NDUFB5: variants seen among roughly 807,000 people sequenced by gnomAD.
The protein encoded by NDUFB5 is NADH dehydrogenase [ubiquinone] 1 beta subcomplex subunit 5, mitochondrial.
In NDUFB5, 19 loss-of-function variants were observed where a neutral mutation model predicts 19.4. The observed-to-expected ratio is 0.98, with a 90% CI of 0.68 to 1.43. NDUFB5 has a LOEUF of 1.43. Among genes scored for constraint, NDUFB5 ranks in the 40% most tolerant of loss-of-function variants. The pLI is 0.00. For synonymous variants in NDUFB5, 80 were observed against 82.6 expected (o/e 0.97, Z 0.17); for missense variants, 233 against 236.5 (o/e 0.99, Z 0.10).
intron 5 of NDUFB5, among the ~76,000 whole-genome samples, chr3:179,619,885 A>G (rs7616386): frequency 0.09 from 13,730 of 152,002 alleles, 666 homozygotes; most frequent in South Asian, 0.17. Flanking sequence ...TTTAATGATC[A>G]CCATTCTAAC....
At position 179,625,561 on chromosome 3, in the gene NDUFB5, C is replaced by G. The variant is rs962968050; in HGVS notation, c.*1521C>G. 6.6e-6 allele frequency: 1 copy of G among 152,006 alleles called. No homozygotes were observed. The highest frequency in any genetic ancestry group is 2.4e-5 in the African/African-American group (1 of 41,364). The allele number at this position is 152,006 out of a possible 1,614,324, so 9.4% of individuals were successfully genotyped here. On this transcript the variant is annotated 3_prime_UTR_variant, in exon 6 of 6. Coordinates refer to ENST00000259037, the MANE Select transcript of NDUFB5 (RefSeq NM_002492.4). ...TTATATATTTCAAAATAAGATATAGCAAGTTAGAAGTATATATAAGTATAT... is the reference window on the plus strand; with the variant it reads ...TTATATATTTCAAAATAAGATATAGGAAGTTAGAAGTATATATAAGTATAT...
chr3:179,622,514 C>G (rs1363622553), intron 5 of NDUFB5, among the ~76,000 whole-genome samples: 2 of 152,096 alleles, frequency 1.3e-5, no homozygotes, highest in African/African-American at 4.8e-5. Context: ...AAAAACATAA[C>G]AGTATATGTA....
At chr3:179,618,606 T>A (rs1719445202) in intron 5 of NDUFB5, 85 bp downstream of exon 5, 1 of 871,378 alleles carries the variant, frequency 1.1e-6, no homozygotes, top group African/African-American at 1.7e-5. Context: ...CTATGAATAT[T>A]TCAGCACTAT....
At chr3:179,621,541 G>A (rs1057475154) in intron 5 of NDUFB5, among the ~76,000 whole-genome samples, 1 of 116,260 alleles carries the variant, frequency 8.6e-6, no homozygotes, top group Non-Finnish European at 2.0e-5. Context: ...CTCCCAGGCT[G>A]GAGTACAGTG....
intron 5 of NDUFB5, among the ~76,000 whole-genome samples, chr3:179,618,739 T>C (rs1719449276): frequency 6.6e-6 from 1 of 152,162 alleles, no homozygotes; most frequent in African/African-American, 2.4e-5. Flanking sequence ...TAATCCCAGC[T>C]ACTCAAGAGG....
chr3:179,624,671 G>A lies in NDUFB5; in HGVS notation c.*631G>A, dbSNP rs187297711. The A allele has an allele frequency of 6.8e-4, 103 of 151,044 alleles. No individual in the cohort carries two copies. The highest frequency in any genetic ancestry group is 7.3e-4 in the Admixed American group (11 of 15,172). The allele number at this position is 151,044 out of a possible 1,614,324, so 9.4% of individuals were successfully genotyped here. A position where few individuals can be genotyped will look rare whatever the true frequency, so the allele number is the denominator to read the frequency against. ...TTTTTTGGGGAAGTAGTTGCACTAG[G>A]TAATGTGATTCCTGCAGAGATTATA... On this transcript the variant is annotated 3_prime_UTR_variant, in exon 6 of 6. Coordinates refer to ENST00000259037, the MANE Select transcript of NDUFB5 (RefSeq NM_002492.4).
At chr3:179,619,651 G>A (rs1210609344) in intron 5 of NDUFB5, among the ~76,000 whole-genome samples, 1 of 152,166 alleles carries the variant, frequency 6.6e-6, no homozygotes, top group African/African-American at 2.4e-5. Context: ...TAGTGCCACA[G>A]TAAACATATG....
At chr3:179,615,133 A>G (rs1719343711) in intron 2 of NDUFB5, 74 bp downstream of exon 2, 3 of 736,426 alleles carry the variant, frequency 4.1e-6, no homozygotes, top group Non-Finnish European at 6.8e-6. Context: ...TTTAGAAAAC[A>G]TCTTTCATTT....
intron 1 of NDUFB5, among the ~76,000 whole-genome samples, chr3:179,608,369 T>C (rs916157621): frequency 2.6e-5 from 4 of 151,994 alleles, no homozygotes; most frequent in African/African-American, 9.7e-5. Context: ...TTTTTTGTAT[T>C]TTTAGTAGAG....
chr3:179,613,221 C>G (rs924129547), intron 1 of NDUFB5, among the ~76,000 whole-genome samples: 10 of 151,902 alleles, frequency 6.6e-5, no homozygotes, highest in Non-Finnish European at 4.4e-5. Flanking sequence ...TTTGAGAGAT[C>G]TCTTTGCCAG....
intron 5 of NDUFB5, 85 bp from the exon 6 acceptor site, chr3:179,623,835 C>T: frequency 6.6e-7 from 1 of 1,520,340 alleles, no homozygotes; most frequent in Non-Finnish European, 9.1e-7. Flanking sequence ...AAGCAGACTC[C>T]AGTGATTGTC....
At chr3:179,612,012 G>T (rs1178537566) in intron 1 of NDUFB5, among the ~76,000 whole-genome samples, 1 of 150,338 alleles carries the variant, frequency 6.7e-6, no homozygotes, top group Admixed American at 6.6e-5. Context: ...GAAGGGTCTA[G>T]CTATGTTGCT....
In NDUFB5 at chr3:179,607,432, A is replaced by C. The variant is rs117647433; in HGVS notation, c.124+2493A>C. On this transcript the variant is annotated intron_variant, in intron 1 of 5. Coordinates refer to ENST00000259037, the MANE Select transcript of NDUFB5 (RefSeq NM_002492.4). ...CTGTGATCATCACATCTTGGAAGCTAAAGTGGAAGACACCTAATTGCTCAT... is the reference window on the plus strand; with the variant it reads ...CTGTGATCATCACATCTTGGAAGCTCAAGTGGAAGACACCTAATTGCTCAT... 8.5e-5 allele frequency among the ~76,000 whole-genome samples: 13 copies of C among 152,362 alleles called. No individual in the cohort carries two copies. The East Asian group carries it at 2.3e-3, about 27-fold the overall frequency.
intron 3 of NDUFB5, among the ~76,000 whole-genome samples, chr3:179,616,723 A>G (rs16830638): frequency 0.015 from 2,268 of 152,308 alleles, 58 homozygotes; most frequent in African/African-American, 0.052. Flanking sequence ...ATCTTGTTAC[A>G]GTATAGAAAA....
chr3:179,605,884 C>G (rs1165733883), intron 1 of NDUFB5, among the ~76,000 whole-genome samples: 1 of 151,618 alleles, frequency 6.6e-6, no homozygotes, highest in Non-Finnish European at 1.5e-5. Context: ...CTCCACCCCC[C>G]GGGTTCAAGC....
chr3:179,605,303 T>C (rs958213541), intron 1 of NDUFB5, among the ~76,000 whole-genome samples: 13 of 152,144 alleles, frequency 8.5e-5, no homozygotes, highest in African/African-American at 3.1e-4. Flanking sequence ...AAAGTCATCT[T>C]GCCGAGAAGC....
intron 1 of NDUFB5, among the ~76,000 whole-genome samples, chr3:179,608,147 T>C (rs914317828): frequency 1.3e-5 from 2 of 151,994 alleles, no homozygotes; most frequent in Admixed American, 1.3e-4. Context: ...CATCCAATAA[T>C]GAGATGCAGA....
intron 1 of NDUFB5, among the ~76,000 whole-genome samples, chr3:179,607,035 G>T (rs932089184): frequency 6.6e-6 from 1 of 152,186 alleles, no homozygotes; most frequent in Non-Finnish European, 1.5e-5. Flanking sequence ...CGCTCTGGTA[G>T]TATTCAATCA....
intron 1 of NDUFB5, among the ~76,000 whole-genome samples, chr3:179,612,194 T>G (rs906284553): frequency 6.6e-6 from 1 of 151,758 alleles, no homozygotes; most frequent in African/African-American, 2.4e-5. Flanking sequence ...TAAAAAGAGT[T>G]AAAGGCAAGT....
Sources: gnomAD v4.1 joint callset for allele counts (sites outside exome capture counted in the v4.1 genomes callset) on GRCh38, gnomAD v4.1.1 for gene constraint, MANE v1.5 for transcripts, NCBI Gene and HGNC (gene_info 2026-07-23, HGNC 2026-07-21) for gene names.